The following MYPN variants were observed in gnomAD, a reference collection of about 807,000 sequenced individuals.
The protein encoded by MYPN is myopalladin.
MYPN carries 63 observed loss-of-function variants against 129.4 expected under a neutral mutation model. The observed-to-expected ratio is 0.49, with a 90% CI of 0.40 to 0.60. MYPN has a LOEUF of 0.60. Among genes scored for constraint, MYPN ranks in the 20% least tolerant of loss-of-function variants. The pLI is 0.00. For synonymous variants in MYPN, 629 were observed against 600.9 expected (o/e 1.05, Z -0.68); for missense variants, 1,596 against 1,635.4 (o/e 0.98, Z 0.42).
At chr10:68,128,573 G>A (rs1044341417) in intron 2 of MYPN, among the ~76,000 whole-genome samples, 25 of 152,118 alleles carry the variant, frequency 1.6e-4, no homozygotes, top group Admixed American at 3.9e-4. Flanking sequence ...TAAGGTTAAA[G>A]CAGCAAACAA....
chr10:68,130,573 T>C (rs544650343), intron 2 of MYPN, among the ~76,000 whole-genome samples: 13 of 152,158 alleles, frequency 8.5e-5, no homozygotes, highest in Non-Finnish European at 1.9e-4. Flanking sequence ...CTATTTCCTC[T>C]TTTTATTTTT....
chr10:68,182,335 A>ATATAT lies in MYPN; in HGVS notation c.2704-6570_2704-6569insTATAT, dbSNP rs1475254825. Among the ~76,000 whole-genome samples, 298 of 35,028 alleles carry ATATAT rather than the reference A, an allele frequency of 8.5e-3. 4 individuals are homozygous for ATATAT. The highest frequency in any genetic ancestry group is 0.021 in the African/African-American group (283 of 13,502). The allele number at this position is 35,028 out of a possible 152,430, so 23.0% of individuals were successfully genotyped here. On this transcript the variant is annotated intron_variant, in intron 12 of 19. Transcript: ENST00000358913. The stretch of plus-strand genomic sequence containing the variant: ...CACATATATATAACATATATATAAC[A>ATATAT]CACACATATATAACATATATATAAC...
chr10:68,124,396 A>G (rs375011988), intron 2 of MYPN, among the ~76,000 whole-genome samples: 38 of 152,334 alleles, frequency 2.5e-4, no homozygotes, highest in Middle Eastern at 3.4e-3. Flanking sequence ...TATTCTCTGT[A>G]TGTAAATAGG....
chr10:68,130,898 A>C (rs2042400250), intron 2 of MYPN, among the ~76,000 whole-genome samples: 1 of 152,180 alleles, frequency 6.6e-6, no homozygotes, highest in Non-Finnish European at 1.5e-5. Context: ...TCTTTTCCCC[A>C]CTGATCTATA....
chr10:68,112,765 A>G (rs548766039), intron 1 of MYPN, among the ~76,000 whole-genome samples: 78 of 152,334 alleles, frequency 5.1e-4, no homozygotes, highest in Middle Eastern at 3.4e-3. Flanking sequence ...ATACTAATTT[A>G]TTAAATTACT....
At position 68,121,720 on chromosome 10, in the gene MYPN, T is replaced by C. The variant is rs371623282; in HGVS notation, c.282T>C (p.Thr94=). The change falls in exon 2 of 20, where the codon ACT becomes ACC. Residue 94 remains threonine (T), a synonymous_variant. Coordinates refer to ENST00000358913, the MANE Select transcript of MYPN (RefSeq NM_032578.4). ...NYDPLEKADE[T]QARKRLSPDQ... is the part of the protein sequence containing the mutation. ...ACCCTTTGGAGAAGGCAGATGAAAC[T>C]CAAGCTAGAAAACGACTTTCTCCTG... The C allele has an allele frequency of 5.6e-6, 9 of 1,614,060 alleles. No homozygotes were observed. In the African/African-American group the frequency reaches 1.1e-4, roughly 19 times the overall value.
chr10:68,199,597 C>G, intron 17 of MYPN, 22 bp downstream of exon 17: 1 of 1,609,348 alleles, frequency 6.2e-7, no homozygotes, highest in Non-Finnish European at 8.5e-7. Context: ...TGCTGGGACC[C>G]CTAAACACAA....
chr10:68,097,725 A>C (rs896752226), intron 1 of MYPN, among the ~76,000 whole-genome samples: 26 of 151,928 alleles, frequency 1.7e-4, no homozygotes, highest in African/African-American at 5.8e-4. Flanking sequence ...TCTCTTCCTA[A>C]TTATAGCATT....
Position 68,182,354 on chromosome 10 carries a change from A to G in MYPN, c.2704-6551A>G, listed in dbSNP as rs1403924680. ...TATAACACACACATATATAACATAT[A>G]TATAACACATATATATAACATATAT... On this transcript the variant is annotated intron_variant, in intron 12 of 19. Coordinates refer to ENST00000358913, the MANE Select transcript of MYPN (RefSeq NM_032578.4). Among the ~76,000 whole-genome samples the G allele has an allele frequency of 3.0e-5, 3 of 101,628 alleles. No homozygotes were observed. In the East Asian group the frequency reaches 7.6e-4, roughly 26 times the overall value. The allele number at this position is 101,628 out of a possible 152,430, so 66.7% of individuals were successfully genotyped here.
intron 2 of MYPN, among the ~76,000 whole-genome samples, chr10:68,133,538 C>CA (rs1007870569): frequency 3.3e-5 from 5 of 151,942 alleles, no homozygotes; most frequent in Non-Finnish European, 5.9e-5. Flanking sequence ...GTAAATCTGC[C>CA]AATAAGCAGG....
chr10:68,208,535 A>C (rs752118913), intron 19 of MYPN, among the ~76,000 whole-genome samples: 56 of 152,122 alleles, frequency 3.7e-4, no homozygotes, highest in Non-Finnish European at 6.9e-4. Flanking sequence ...ACCATTTCCC[A>C]GTCTTCACCA....
intron 3 of MYPN, among the ~76,000 whole-genome samples, chr10:68,143,893 T>G (rs1415501865): frequency 2.0e-5 from 3 of 152,164 alleles, no homozygotes; most frequent in Non-Finnish European, 4.4e-5. Flanking sequence ...TAGCTGGGAT[T>G]ACAGGCATGC....
At chr10:68,197,516 C>A in intron 16 of MYPN, 38 bp downstream of exon 16, 1 of 1,607,808 alleles carries the variant, frequency 6.2e-7, no homozygotes, top group South Asian at 1.1e-5. Context: ...CAGATCTGTT[C>A]ATATTTTGTA....
chr10:68,136,817 G>C (rs1419640265), intron 2 of MYPN: 2 of 1,360,470 alleles, frequency 1.5e-6, no homozygotes, highest in East Asian at 2.5e-5. Context: ...AATAGCTATT[G>C]ATATTTGTTT....
chr10:68,142,830 T>G, intron 2 of MYPN, 110 bp from the exon 3 acceptor site: 2 of 1,047,696 alleles, frequency 1.9e-6, no homozygotes, highest in Admixed American at 1.7e-5. Flanking sequence ...AGTTTTTTGT[T>G]GTTGTTGTTC....
At chr10:68,158,664 T>C in intron 7 of MYPN, 37 bp downstream of exon 7, 2 of 1,449,566 alleles carry the variant, frequency 1.4e-6, no homozygotes, top group Non-Finnish European at 1.9e-6. Flanking sequence ...TGATATTTTG[T>C]TTTTATGAAC....
intron 15 of MYPN, 128 bp downstream of exon 15, chr10:68,195,660 C>A: frequency 1.3e-6 from 1 of 779,726 alleles, no homozygotes; most frequent in Non-Finnish European, 2.3e-6. Flanking sequence ...ACTAGCATCA[C>A]CTGGGCGTTG....
chr10:68,155,764 C>T, intron 6 of MYPN, among the ~76,000 whole-genome samples: 1 of 152,268 alleles, frequency 6.6e-6, no homozygotes, highest in African/African-American at 2.4e-5. Context: ...CCATCCTCAT[C>T]CTTATAACTA....
intron 18 of MYPN, among the ~76,000 whole-genome samples, chr10:68,203,807 G>A (rs1033999405): frequency 1.3e-5 from 2 of 151,796 alleles, no homozygotes; most frequent in African/African-American, 4.8e-5. Context: ...ATAAATTGAG[G>A]AGCATGTGGA....
Sources: gnomAD v4.1 joint callset for allele counts (sites outside exome capture counted in the v4.1 genomes callset) on GRCh38, gnomAD v4.1.1 for gene constraint, MANE v1.5 for transcripts, NCBI Gene and HGNC (gene_info 2026-07-23, HGNC 2026-07-21) for gene names.